The following GPM6A variants were observed in gnomAD, a reference collection of about 807,000 sequenced individuals.
The protein encoded by GPM6A is glycoprotein M6A, also known as neuronal membrane glycoprotein M6-a.
A neutral mutation model predicts 32.1 loss-of-function variants in GPM6A; 7 were observed. The observed-to-expected ratio is 0.22, with a 90% CI of 0.12 to 0.41. The LOEUF (loss-of-function observed/expected upper bound fraction) is 0.41. Ranked by LOEUF, GPM6A falls within the 10% of genes least tolerant of loss-of-function variation. GPM6A has a pLI of 1.00. For missense variants in GPM6A, 235 were observed against 347.2 expected (o/e 0.68, Z 2.57); for synonymous variants, 130 against 123.4 (o/e 1.05, Z -0.35).
At chr4:175,854,435 AT>A (rs1378586797) in intron 1 of GPM6A, among the ~76,000 whole-genome samples, 1 of 152,206 alleles carries the variant, frequency 6.6e-6, no homozygotes, top group Non-Finnish European at 1.5e-5. Flanking sequence ...TGGATGGACT[AT>A]TACTTCAGGC....
At chr4:175,637,713 AT>A (rs1436525442) in intron 6 of GPM6A, among the ~76,000 whole-genome samples, 6 of 2,828 alleles carry the variant, frequency 2.1e-3, no homozygotes, top group South Asian at 6.4e-3. Context: ...TATTATATAT[AT>A]TTATATATAA....
intron 1 of GPM6A, among the ~76,000 whole-genome samples, chr4:175,985,551 T>C (rs1740949196): frequency 1.3e-5 from 2 of 152,310 alleles, no homozygotes; most frequent in South Asian, 2.1e-4. Context: ...TCCACTTATA[T>C]GTTTTCTTTT....
chr4:175,843,951 A>G (rs776804575), intron 1 of GPM6A, among the ~76,000 whole-genome samples: 84 of 152,086 alleles, frequency 5.5e-4, no homozygotes, highest in Admixed American at 2.2e-3. Context: ...GTCCGGAGAG[A>G]ATCCACCCCA....
chr4:175,774,425 C>T (rs1733313130), intron 1 of GPM6A, among the ~76,000 whole-genome samples: 1 of 151,936 alleles, frequency 6.6e-6, no homozygotes, highest in South Asian at 2.1e-4. Context: ...AGATTCCTCT[C>T]CCCTCTAATC....
chr4:175,747,115 C>A (rs1217022302), intron 1 of GPM6A, among the ~76,000 whole-genome samples: 1 of 151,662 alleles, frequency 6.6e-6, no homozygotes, highest in African/African-American at 2.4e-5. Flanking sequence ...ACTAAAAATG[C>A]AAAAATTAGC....
intron 1 of GPM6A, among the ~76,000 whole-genome samples, chr4:175,987,434 C>A (rs1186250024): frequency 2.0e-5 from 3 of 151,838 alleles, no homozygotes; most frequent in Non-Finnish European, 4.4e-5. Flanking sequence ...TCTTAAATTA[C>A]AAATCTAAAG....
At chr4:175,705,509 C>T (rs1028823097) in intron 1 of GPM6A, among the ~76,000 whole-genome samples, 1 of 152,192 alleles carries the variant, frequency 6.6e-6, no homozygotes, top group Admixed American at 6.5e-5. Context: ...AAAGAAGACT[C>T]TCAGAACTCC....
chr4:175,834,399 GAA>G (rs1735703434), intron 1 of GPM6A, among the ~76,000 whole-genome samples: 1 of 152,132 alleles, frequency 6.6e-6, no homozygotes. Flanking sequence ...TTTAAAAAGT[GAA>G]AAAGAGTGCA....
chr4:175,998,433 G>A (rs1741377237), intron 1 of GPM6A, among the ~76,000 whole-genome samples: 1 of 152,150 alleles, frequency 6.6e-6, no homozygotes, highest in African/African-American at 2.4e-5. Flanking sequence ...TGAGATTACA[G>A]GCGTGAGCCA....
At chr4:175,887,086 T>C (rs903847444) in intron 1 of GPM6A, among the ~76,000 whole-genome samples, 4 of 151,974 alleles carry the variant, frequency 2.6e-5, no homozygotes, top group Admixed American at 6.5e-5. Context: ...GTTTATCCAA[T>C]GGACATATAT....
At chr4:175,746,120 G>C (rs950090935) in intron 1 of GPM6A, among the ~76,000 whole-genome samples, 26 of 152,052 alleles carry the variant, frequency 1.7e-4, no homozygotes, top group African/African-American at 6.3e-4. Context: ...CAGACAAAAA[G>C]GCTAAAATTT....
In GPM6A at chr4:175,724,737, G is replaced by A. The variant is rs559290046; in HGVS notation, c.38-22970C>T. Among the ~76,000 whole-genome samples, 17 of 152,186 alleles carry A rather than the reference G, an allele frequency of 1.1e-4. No individual in the cohort carries two copies. The East Asian group carries it at 2.7e-3, about 24-fold the overall frequency. ...GAGAGTCAGATGAGAATAGAATCAGGCCTTGAGAGAAGAGTGCTTTTCTCT... is the reference window on the plus strand; with the variant it reads ...GAGAGTCAGATGAGAATAGAATCAGACCTTGAGAGAAGAGTGCTTTTCTCT... On this transcript the variant is annotated intron_variant, in intron 1 of 6. Transcript: ENST00000393658.
chr4:175,840,761 G>A (rs1381520034), intron 1 of GPM6A, among the ~76,000 whole-genome samples: 1 of 152,096 alleles, frequency 6.6e-6, no homozygotes, highest in Non-Finnish European at 1.5e-5. Flanking sequence ...AAGTGTTAAT[G>A]ATAATTCAAT....
intron 1 of GPM6A, among the ~76,000 whole-genome samples, chr4:175,759,958 T>A (rs1732674107): frequency 6.6e-6 from 1 of 152,068 alleles, no homozygotes; most frequent in Non-Finnish European, 1.5e-5. Context: ...GACAGGCAGA[T>A]CACCTGAGGT....
intron 1 of GPM6A, among the ~76,000 whole-genome samples, chr4:175,991,512 G>A (rs1303594069): frequency 6.6e-6 from 1 of 152,000 alleles, no homozygotes; most frequent in African/African-American, 2.4e-5. Flanking sequence ...AAAAAAGAAT[G>A]CAGAAAATTC....
Position 175,648,226 on chromosome 4 carries a change from T to G in GPM6A, c.541+3608A>C, listed in dbSNP as rs115957617. Among the ~76,000 whole-genome samples the G allele has an allele frequency of 2.2e-3, 330 of 152,220 alleles. 1 individual carries two copies. The highest frequency in any genetic ancestry group is 3.3e-3 in the Non-Finnish European group (225 of 68,016). ...GAAACCTTTGGAACTTGGGGTAGGTTGAATGTATTTCACACAAAGAAATGG... is the reference window on the plus strand; with the variant it reads ...GAAACCTTTGGAACTTGGGGTAGGTGGAATGTATTTCACACAAAGAAATGG... On this transcript the variant is annotated intron_variant, in intron 4 of 6. Coordinates refer to ENST00000393658, the MANE Select transcript of GPM6A (RefSeq NM_201591.3).
intron 1 of GPM6A, among the ~76,000 whole-genome samples, chr4:175,955,395 T>C (rs28469725): frequency 0.078 from 11,865 of 152,278 alleles, 709 homozygotes; most frequent in South Asian, 0.19. Flanking sequence ...GAAACTCACA[T>C]TTAAATCCCA....
At chr4:175,816,528 T>A (rs1735105066), upstream of GPM6A, among the ~76,000 whole-genome samples, 1 of 152,138 alleles carries the variant, frequency 6.6e-6, no homozygotes, top group Non-Finnish European at 1.5e-5. Context: ...AGTTAACAGA[T>A]TAAAGAAGTT....
intron 1 of GPM6A, among the ~76,000 whole-genome samples, chr4:175,855,692 G>A (rs1302234013): frequency 6.6e-6 from 1 of 152,172 alleles, no homozygotes; most frequent in Non-Finnish European, 1.5e-5. Context: ...CTCACTATTG[G>A]AGTGGAAATT....
Sources: gnomAD v4.1 joint callset for allele counts (sites outside exome capture counted in the v4.1 genomes callset) on GRCh38, gnomAD v4.1.1 for gene constraint, MANE v1.5 for transcripts, NCBI Gene and HGNC (gene_info 2026-07-23, HGNC 2026-07-21) for gene names.